The following SFSWAP variants were observed in gnomAD, a reference collection of about 807,000 sequenced individuals.
SFSWAP encodes splicing factor SWAP.
A neutral mutation model predicts 100.7 loss-of-function variants in SFSWAP; 17 were observed. The observed-to-expected ratio is 0.17, with a 90% CI of 0.12 to 0.25. The LOEUF is 0.25. Among genes scored for constraint, SFSWAP ranks in the 10% least tolerant of loss-of-function variants. SFSWAP has a pLI of 1.00. For synonymous variants in SFSWAP, 504 were observed against 510.1 expected, an observed-to-expected ratio of 0.99 and a Z score of 0.16; for missense variants, 1,005 against 1,262.6, an observed-to-expected ratio of 0.80 and a Z score of 3.09.
intron 7 of SFSWAP, among the ~76,000 whole-genome samples, chr12:131,739,963 G>A (rs778124417): frequency 2.0e-5 from 3 of 152,126 alleles, no homozygotes; most frequent in Admixed American, 6.5e-5. Flanking sequence ...AAACAAGTAC[G>A]TTTTTACAAG....
Position 131,719,457 on chromosome 12 carries a change from A to G in SFSWAP, c.524A>G (p.Lys175Arg). The G allele has an allele frequency of 6.2e-7, 1 of 1,613,974 alleles. No individual in the cohort carries two copies. The highest frequency in any genetic ancestry group is 8.5e-7 in the Non-Finnish European group (1 of 1,179,894). ...EEEEPSKQRE[K>R]NEAENLEENE... ...TTTTAATTTTCTTTTTATGCAGAAA[A>G]AAATGAGGCCGAAAATTTAGAGGAA... The change falls in exon 4 of 18, where the codon AAA (lysine) becomes AGA (arginine). Residue 175 changes from lysine (K) to arginine (R), a missense_variant. By Grantham distance (26) the Lys-to-Arg change is conservative. This residue lies in a region of SFSWAP where 237 missense variants were observed against 337.0 expected (regional missense o/e 0.70). Coordinates refer to ENST00000261674, the MANE Select transcript of SFSWAP (RefSeq NM_004592.4).
chr12:131,723,838 G>T (rs1021767270), intron 4 of SFSWAP, among the ~76,000 whole-genome samples: 4 of 152,174 alleles, frequency 2.6e-5, no homozygotes, highest in Non-Finnish European at 5.9e-5. Context: ...CCCCTTCCGG[G>T]GCTCTGTCGG....
chr12:131,762,410 C>CA (rs911438052), intron 11 of SFSWAP, among the ~76,000 whole-genome samples: 7 of 151,642 alleles, frequency 4.6e-5, no homozygotes, highest in African/African-American at 9.7e-5. Flanking sequence ...AACCCTTTCT[C>CA]AAAAAAAATA....
At chr12:131,763,478 G>A (rs1882846954) in intron 11 of SFSWAP, among the ~76,000 whole-genome samples, 1 of 152,178 alleles carries the variant, frequency 6.6e-6, no homozygotes, top group Non-Finnish European at 1.5e-5. Context: ...GGGACTCTGT[G>A]TTCATTGAGT....
chr12:131,776,009 C>G (rs1233425990), intron 13 of SFSWAP, among the ~76,000 whole-genome samples: 1 of 151,800 alleles, frequency 6.6e-6, no homozygotes, highest in Non-Finnish European at 1.5e-5. Flanking sequence ...GGCTGAGGCA[C>G]AAGAATCACT....
intron 15 of SFSWAP, among the ~76,000 whole-genome samples, chr12:131,789,664 C>G (rs940304984): frequency 6.6e-6 from 1 of 152,054 alleles, no homozygotes; most frequent in Non-Finnish European, 1.5e-5. Context: ...ACTCCCCTCC[C>G]TCCCTCCTCC....
At chr12:131,762,187 C>T (rs543277414) in intron 11 of SFSWAP, among the ~76,000 whole-genome samples, 7 of 151,982 alleles carry the variant, frequency 4.6e-5, no homozygotes, top group Non-Finnish European at 8.8e-5. Flanking sequence ...GAGCTGAGAT[C>T]GCGCCTTTGC....
intron 14 of SFSWAP, among the ~76,000 whole-genome samples, chr12:131,779,470 G>A (rs1884324233): frequency 6.6e-6 from 1 of 152,124 alleles, no homozygotes; most frequent in South Asian, 2.1e-4. Context: ...TTTACATCTT[G>A]GTGAAAACCA....
chr12:131,735,374 TATTA>T (rs1476323772), intron 7 of SFSWAP, among the ~76,000 whole-genome samples: 2 of 152,180 alleles, frequency 1.3e-5, no homozygotes, highest in African/African-American at 2.4e-5. Context: ...ACCATTAGGG[TATTA>T]ATTTAAATAA....
Position 131,719,464 on chromosome 12 carries a change from G to A in SFSWAP, c.531G>A (p.Glu177=), listed in dbSNP as rs139050481. The A allele has an allele frequency of 3.1e-6, 5 of 1,614,034 alleles. No individual in the cohort carries two copies. The highest frequency in any genetic ancestry group is 2.7e-5 in the African/African-American group (2 of 75,030). ...EEPSKQREKN[E]AENLEENEEP... is the part of the protein sequence containing the mutation. ...TTTCTTTTTATGCAGAAAAAAATGA[G>A]GCCGAAAATTTAGAGGAAAATGAAG... Residue 177 remains glutamate (E), a synonymous_variant, in exon 4 of 18, where the codon GAG becomes GAA. Transcript: ENST00000261674.
At chr12:131,722,375 A>T (rs1264954864) in intron 4 of SFSWAP, among the ~76,000 whole-genome samples, 2 of 152,184 alleles carry the variant, frequency 1.3e-5, no homozygotes, top group Non-Finnish European at 2.9e-5. Flanking sequence ...TAGCCTGGGC[A>T]ACATAGTGAG....
chr12:131,756,701 G>C lies in SFSWAP; in HGVS notation c.1720+57G>C, dbSNP rs1022528866. The stretch of plus-strand genomic sequence containing the variant: ...ATTCCACCATAAGTTGGCAAGCGTA[G>C]GATCCTCGGTGACCTCAGACTCAGC... On this transcript the variant is annotated intron_variant, in intron 11 of 17. Coordinates refer to ENST00000261674, the MANE Select transcript of SFSWAP (RefSeq NM_004592.4). 4 of 1,452,468 alleles carry C rather than the reference G, an allele frequency of 2.8e-6. No homozygotes were observed. In the African/African-American group the frequency reaches 5.7e-5, roughly 21 times the overall value. 90.0% of individuals were successfully genotyped at this position (1,452,468 alleles called of 1,614,324 possible).
At chr12:131,754,619 TC>T in intron 9 of SFSWAP, 120 bp downstream of exon 9, 1 of 249,914 alleles carries the variant, frequency 4.0e-6, no homozygotes, top group Non-Finnish European at 7.4e-6. Flanking sequence ...TTTTCTTGGC[TC>T]AAATGTCTTT....
chr12:131,798,628 G>A (rs569364354), intron 16 of SFSWAP, among the ~76,000 whole-genome samples: 14 of 152,262 alleles, frequency 9.2e-5, no homozygotes, highest in African/African-American at 2.6e-4. Context: ...GGCGGCTCAC[G>A]CCTATAATCC....
At chr12:131,748,824 T>C (rs1881365286) in intron 7 of SFSWAP, among the ~76,000 whole-genome samples, 2 of 152,238 alleles carry the variant, frequency 1.3e-5, no homozygotes, top group African/African-American at 4.8e-5. Context: ...TGTAGGTACC[T>C]ATTGGAATTT....
At chr12:131,780,706 A>G (rs1356092257) in intron 14 of SFSWAP, among the ~76,000 whole-genome samples, 2 of 152,194 alleles carry the variant, frequency 1.3e-5, no homozygotes, top group African/African-American at 4.8e-5. Context: ...TCCCACTTGA[A>G]TATGTTTCTT....
intron 7 of SFSWAP, among the ~76,000 whole-genome samples, chr12:131,739,682 A>G (rs1880417963): frequency 6.6e-6 from 1 of 150,890 alleles, no homozygotes; most frequent in Admixed American, 6.6e-5. Context: ...AGCAGCTGGG[A>G]GTACAGGCGC....
intron 3 of SFSWAP, among the ~76,000 whole-genome samples, chr12:131,715,939 A>G (rs1321779480): frequency 6.6e-6 from 1 of 152,224 alleles, no homozygotes; most frequent in African/African-American, 2.4e-5. Context: ...AGCTCAAGTG[A>G]TCCTACTGCC....
intron 4 of SFSWAP, among the ~76,000 whole-genome samples, chr12:131,724,818 A>G (rs377027172): frequency 3.9e-5 from 6 of 152,194 alleles, no homozygotes; most frequent in African/African-American, 1.2e-4. Flanking sequence ...AGCTTGGGAT[A>G]CTGCTTTTAA....
Sources: allele counts gnomAD v4.1 joint callset (sites outside exome capture counted in the v4.1 genomes callset), GRCh38; gene constraint gnomAD v4.1.1; regional missense constraint gnomAD v4.1.1; transcripts MANE v1.5; gene names NCBI Gene and HGNC (gene_info 2026-07-23, HGNC 2026-07-21).